The following CSMD1 variants were observed in gnomAD, a reference collection of about 807,000 sequenced individuals.
CSMD1 encodes CUB and sushi domain-containing protein 1.
A neutral mutation model predicts 417.5 loss-of-function variants in CSMD1; 213 were observed. That is an observed-to-expected ratio of 0.51 (90% CI 0.46 to 0.57). The LOEUF is 0.57. CSMD1 is among the 20% of genes least tolerant of loss of function. CSMD1 has a pLI of 0.00. For missense variants in CSMD1, 6,923 were observed against 4,529.7 expected (o/e 1.53, Z -15.17); for synonymous variants, 2,862 against 1,736.8 (o/e 1.65, Z -16.11).
intron 12 of CSMD1, among the ~76,000 whole-genome samples, chr8:3,422,167 C>A (rs1385987390): frequency 1.3e-5 from 2 of 152,168 alleles, no homozygotes; most frequent in African/African-American, 4.8e-5. Flanking sequence ...TCCTTTGAAA[C>A]TTAGTTTCAC....
At chr8:3,591,927 ATAG>A (rs1172348097) in intron 8 of CSMD1, among the ~76,000 whole-genome samples, 1 of 152,140 alleles carries the variant, frequency 6.6e-6, no homozygotes, top group Non-Finnish European at 1.5e-5. Context: ...AGACAGATAC[ATAG>A]ATGGATAGAT....
chr8:4,209,809 A>G (rs992831718), intron 3 of CSMD1, among the ~76,000 whole-genome samples: 1 of 152,210 alleles, frequency 6.6e-6, no homozygotes, highest in African/African-American at 2.4e-5. Context: ...TTCTACACTC[A>G]TATTTATATC....
chr8:3,433,588 C>T (rs28504141), intron 12 of CSMD1, among the ~76,000 whole-genome samples: 43,909 of 152,084 alleles, frequency 0.29, 6,686 homozygotes, highest in East Asian at 0.47. Flanking sequence ...GCACACGTGC[C>T]ACACTCTAGT....
intron 3 of CSMD1, among the ~76,000 whole-genome samples, chr8:4,237,127 A>T (rs948213065): frequency 6.6e-6 from 1 of 152,210 alleles, no homozygotes; most frequent in Non-Finnish European, 1.5e-5. Flanking sequence ...GCTACTTTGC[A>T]CGGAAGCCCT....
At chr8:4,930,572 C>A (rs1684450582) in intron 1 of CSMD1, among the ~76,000 whole-genome samples, 1 of 152,120 alleles carries the variant, frequency 6.6e-6, no homozygotes, top group Non-Finnish European at 1.5e-5. Flanking sequence ...AGTTTAAGAT[C>A]CCCTGCTAGG....
intron 3 of CSMD1, among the ~76,000 whole-genome samples, chr8:4,297,159 T>C (rs1276641702): frequency 6.6e-6 from 1 of 152,094 alleles, no homozygotes; most frequent in East Asian, 1.9e-4. Flanking sequence ...ACACATAAAA[T>C]AGTCATGAAT....
intron 10 of CSMD1, among the ~76,000 whole-genome samples, chr8:3,510,426 C>T (rs1330698428): frequency 6.6e-6 from 1 of 151,794 alleles, no homozygotes; most frequent in Non-Finnish European, 1.5e-5. Flanking sequence ...CTGATTTGGC[C>T]TGGCATGGGG....
At chr8:3,985,076 G>A (rs1221803767) in intron 5 of CSMD1, among the ~76,000 whole-genome samples, 1 of 151,972 alleles carries the variant, frequency 6.6e-6, no homozygotes, top group Non-Finnish European at 1.5e-5. Flanking sequence ...AAAACACTGT[G>A]GCTTTTATGT....
At chr8:3,520,799 G>C (rs564183148) in intron 10 of CSMD1, among the ~76,000 whole-genome samples, 1 of 152,102 alleles carries the variant, frequency 6.6e-6, no homozygotes, top group East Asian at 1.9e-4. Context: ...CACATCTGTA[G>C]AGGAAATCTC....
At chr8:3,197,837 T>G (rs1226723312) in intron 33 of CSMD1, among the ~76,000 whole-genome samples, 1 of 152,220 alleles carries the variant, frequency 6.6e-6, no homozygotes. Context: ...TTCATGTGTA[T>G]GCAAAACTTT....
chr8:3,713,696 A>G (rs1197475827), intron 6 of CSMD1, among the ~76,000 whole-genome samples: 2 of 152,236 alleles, frequency 1.3e-5, no homozygotes, highest in Non-Finnish European at 2.9e-5. Flanking sequence ...ACAAATAAAT[A>G]AAATGCAAAA....
At chr8:4,398,234 C>G (rs991262168) in intron 3 of CSMD1, among the ~76,000 whole-genome samples, 4 of 152,154 alleles carry the variant, frequency 2.6e-5, no homozygotes, top group African/African-American at 9.7e-5. Flanking sequence ...GTGGGCCTCA[C>G]TCCAAGGAGG....
chr8:3,874,395 C>G (rs764563285), intron 5 of CSMD1, among the ~76,000 whole-genome samples: 5 of 152,144 alleles, frequency 3.3e-5, no homozygotes, highest in Non-Finnish European at 5.9e-5. Context: ...TTCAGTGACT[C>G]CTACAGTCAT....
At chr8:3,065,415 T>C (rs1257829008) in intron 49 of CSMD1, among the ~76,000 whole-genome samples, 2 of 151,768 alleles carry the variant, frequency 1.3e-5, no homozygotes, top group Admixed American at 6.6e-5. Flanking sequence ...GATTGCTAAA[T>C]CAGTAGAGAG....
intron 2 of CSMD1, among the ~76,000 whole-genome samples, chr8:4,482,540 G>A (rs1479069425): frequency 6.6e-6 from 1 of 152,174 alleles, no homozygotes; most frequent in Non-Finnish European, 1.5e-5. Flanking sequence ...ATTGTGAATA[G>A]TGTTGCAATG....
chr8:4,905,784 C>T (rs887484231), intron 1 of CSMD1, among the ~76,000 whole-genome samples: 32 of 138,610 alleles, frequency 2.3e-4, no homozygotes, highest in African/African-American at 7.3e-4. Context: ...TGTGCCACTG[C>T]ACTCCAGCCT....
intron 5 of CSMD1, among the ~76,000 whole-genome samples, chr8:3,924,114 G>A (rs1041043572): frequency 1.3e-5 from 2 of 152,078 alleles, no homozygotes; most frequent in African/African-American, 2.4e-5. Flanking sequence ...TTGTTGATGC[G>A]GGAAAATCTG....
At position 3,315,879 on chromosome 8, in the gene CSMD1, A is replaced by C. The variant is rs532400494; in HGVS notation, c.3632-7376T>G. 2.6e-5 allele frequency among the ~76,000 whole-genome samples: 4 copies of C among 152,308 alleles called. No individual in the cohort carries two copies. In the South Asian group the frequency reaches 8.3e-4, roughly 32 times the overall value. On this transcript the variant is annotated intron_variant, in intron 23 of 69. Transcript: ENST00000635120. ...TGAGTCAATCTTGAAACATTTTATAATTTTAAATACATTACATTAATCCCA... is the reference window on the plus strand; with the variant it reads ...TGAGTCAATCTTGAAACATTTTATACTTTTAAATACATTACATTAATCCCA...
chr8:4,709,512 T>A (rs1054470990), intron 1 of CSMD1, among the ~76,000 whole-genome samples: 1 of 152,194 alleles, frequency 6.6e-6, no homozygotes, highest in African/African-American at 2.4e-5. Flanking sequence ...TTCCTCAGGC[T>A]GAGGGTACAA....
Sources: gnomAD v4.1 joint callset for allele counts (sites outside exome capture counted in the v4.1 genomes callset) on GRCh38, gnomAD v4.1.1 for gene constraint, MANE v1.5 for transcripts, NCBI Gene and HGNC (gene_info 2026-07-23, HGNC 2026-07-21) for gene names.